The following FLACC1 variants were observed in gnomAD, a reference collection of about 807,000 sequenced individuals.
The protein encoded by FLACC1 is flagellum associated containing coiled-coil domains 1, also known as flagellum-associated coiled-coil domain-containing protein 1.
In FLACC1, 66 loss-of-function variants were observed where a neutral mutation model predicts 62.8. That is an observed-to-expected ratio of 1.05 (90% CI 0.86 to 1.29). The LOEUF is 1.29. Ranked by LOEUF, FLACC1 falls within the 50% of genes most tolerant of loss-of-function variation. The pLI, the probability that FLACC1 is intolerant of heterozygous loss-of-function variation, is 0.00. For synonymous variants in FLACC1, 156 were observed against 161.0 expected (o/e 0.97, Z 0.24); for missense variants, 452 against 489.1 (o/e 0.92, Z 0.71).
At chr2:201,342,185 T>A (rs915457474) in intron 7 of FLACC1, among the ~76,000 whole-genome samples, 185 bp downstream of exon 7, 2 of 152,196 alleles carry the variant, frequency 1.3e-5, no homozygotes, top group Non-Finnish European at 2.9e-5. Context: ...CTTTGTGGTT[T>A]ATTTTAGTGG....
chr2:201,342,601 T>C (rs1950833737), intron 6 of FLACC1, among the ~76,000 whole-genome samples, 170 bp from the exon 7 acceptor site: 1 of 152,258 alleles, frequency 6.6e-6, no homozygotes, highest in Admixed American at 6.5e-5. Context: ...AGAGAGCACA[T>C]TATTAATAAG....
At position 201,346,445 on chromosome 2, in the gene FLACC1, C is replaced by T. The variant is rs557640885; in HGVS notation, c.368+97G>A. On this transcript the variant is annotated intron_variant, in intron 5 of 14. Transcript: ENST00000392257. This position sits in a 1 kb window ranked among gnomAD's most constrained non-coding sequence, Gnocchi z 4.0. ...CCCCTCCAGAGCAGGGACCAGTGGCCTGGGTGTGGGCATAGCGGCTTTGGC... is the reference window on the plus strand; with the variant it reads ...CCCCTCCAGAGCAGGGACCAGTGGCTTGGGTGTGGGCATAGCGGCTTTGGC... 7.1e-6 allele frequency: 11 copies of T among 1,554,484 alleles called. No individual in the cohort carries two copies. In the African/African-American group the frequency reaches 1.2e-4, roughly 17 times the overall value.
chr2:201,296,721 G>A (rs946257240), intron 12 of FLACC1, among the ~76,000 whole-genome samples: 27 of 152,146 alleles, frequency 1.8e-4, no homozygotes, highest in Non-Finnish European at 2.9e-5. Flanking sequence ...AATATGGCTG[G>A]AATAGAGATA....
At chr2:201,292,702 A>T (rs1175782777) in intron 12 of FLACC1, among the ~76,000 whole-genome samples, 2 of 152,226 alleles carry the variant, frequency 1.3e-5, no homozygotes, top group African/African-American at 2.4e-5. Flanking sequence ...AAATGGGCTA[A>T]ATGCTCCAAT....
chr2:201,322,891 G>GA (rs577746164), intron 9 of FLACC1, among the ~76,000 whole-genome samples: 20 of 152,012 alleles, frequency 1.3e-4, no homozygotes, highest in African/African-American at 4.3e-4. Context: ...ATATTATCAA[G>GA]AAAAAACAAT....
At chr2:201,313,560 C>T (rs1389620868) in intron 9 of FLACC1, among the ~76,000 whole-genome samples, 2 of 152,132 alleles carry the variant, frequency 1.3e-5, no homozygotes, top group African/African-American at 2.4e-5. Flanking sequence ...CAGCAAGACT[C>T]GCCCAAGAAG....
upstream of FLACC1, among the ~76,000 whole-genome samples, chr2:201,358,411 ATTTTTTTT>A (rs529458487): frequency 5.9e-4 from 71 of 120,404 alleles, no homozygotes; most frequent in African/African-American, 2.1e-3. Flanking sequence ...TGCCCAGCTA[ATTTTTTTT>A]TTTTTTTTTT....
chr2:201,340,546 T>C (rs1350745804), intron 7 of FLACC1, among the ~76,000 whole-genome samples: 1 of 152,224 alleles, frequency 6.6e-6, no homozygotes, highest in African/African-American at 2.4e-5. Context: ...GATGTCAGAA[T>C]TGATATCATT....
chr2:201,347,773 G>C (rs905577784), intron 4 of FLACC1, among the ~76,000 whole-genome samples: 1 of 152,200 alleles, frequency 6.6e-6, no homozygotes, highest in African/African-American at 2.4e-5. Flanking sequence ...ACCAGTAAAG[G>C]CTCCCAGACA....
chr2:201,322,378 C>T (rs1232675010), intron 9 of FLACC1, among the ~76,000 whole-genome samples: 3 of 151,946 alleles, frequency 2.0e-5, no homozygotes, highest in Non-Finnish European at 2.9e-5. Context: ...CCATAGGAGA[C>T]AGTGATCTTG....
At chr2:201,305,050 A>G (rs1229911524) in intron 11 of FLACC1, among the ~76,000 whole-genome samples, 1 of 152,374 alleles carries the variant, frequency 6.6e-6, no homozygotes, top group Admixed American at 6.5e-5. Flanking sequence ...AAAACACCAA[A>G]AGCAATGGCA....
chr2:201,297,359 G>A (rs1382210261), intron 12 of FLACC1, among the ~76,000 whole-genome samples: 1 of 152,122 alleles, frequency 6.6e-6, no homozygotes, highest in Non-Finnish European at 1.5e-5. Flanking sequence ...AAGAAGATAA[G>A]TGGGGCCTGG....
intron 1 of FLACC1, among the ~76,000 whole-genome samples, chr2:201,353,243 A>G (rs1209492882): frequency 6.6e-6 from 1 of 152,256 alleles, no homozygotes; most frequent in African/African-American, 2.4e-5. Flanking sequence ...GCACACACTC[A>G]TATGTATCAA....
At chr2:201,341,048 G>C (rs562773388) in intron 7 of FLACC1, among the ~76,000 whole-genome samples, 1 of 152,140 alleles carries the variant, frequency 6.6e-6, no homozygotes, top group African/African-American at 2.4e-5. Flanking sequence ...TTTGATTTTT[G>C]ATAGTTTGAT....
At chr2:201,305,191 A>T (rs963546407) in intron 11 of FLACC1, among the ~76,000 whole-genome samples, 3 of 152,234 alleles carry the variant, frequency 2.0e-5, no homozygotes, top group African/African-American at 7.2e-5. Flanking sequence ...CCATCTGACA[A>T]AGGGCTAATA....
At chr2:201,291,208 G>A (rs1009041081) in intron 12 of FLACC1, among the ~76,000 whole-genome samples, 1 of 152,188 alleles carries the variant, frequency 6.6e-6, no homozygotes, top group African/African-American at 2.4e-5. Flanking sequence ...CTTGAGATCT[G>A]AGAATGGACA....
chr2:201,313,084 G>A (rs1247467123), intron 9 of FLACC1, among the ~76,000 whole-genome samples: 3 of 152,222 alleles, frequency 2.0e-5, no homozygotes, highest in African/African-American at 4.8e-5. Context: ...TCCCAGGGAT[G>A]CCATTTCTGA....
intron 11 of FLACC1, 124 bp from the exon 12 acceptor site, chr2:201,299,424 G>GTGTGCTTC: frequency 1.5e-6 from 1 of 686,808 alleles, no homozygotes; most frequent in Non-Finnish European, 2.5e-6. Context: ...CTGCTATAAT[G>GTGTGCTTC]AAGCACACAT....
At chr2:201,327,859 G>A (rs752298445) in intron 9 of FLACC1, among the ~76,000 whole-genome samples, 2 of 152,106 alleles carry the variant, frequency 1.3e-5, no homozygotes, top group African/African-American at 2.4e-5. Context: ...ACTTGTACAC[G>A]TATGTTTATA....
Sources: allele counts gnomAD v4.1 joint callset (sites outside exome capture counted in the v4.1 genomes callset), GRCh38; gene constraint gnomAD v4.1.1; non-coding constraint Gnocchi (gnomAD v3.1); transcripts MANE v1.5; gene names NCBI Gene and HGNC (gene_info 2026-07-23, HGNC 2026-07-21).